SV2C: variants seen among roughly 807,000 people sequenced by gnomAD.
The protein encoded by SV2C is solute carrier family 22 member B3.
Under a neutral mutation model 79.7 loss-of-function variants are expected in SV2C, and 49 were observed. That is an observed-to-expected ratio of 0.61 (90% confidence interval 0.49 to 0.78). The LOEUF is 0.78. SV2C is among the 30% of genes least tolerant of loss of function. The pLI is 0.00. For missense variants in SV2C, 833 were observed against 912.9 expected (o/e 0.91, Z 1.13); for synonymous variants, 334 against 333.2 (o/e 1.00, Z -0.03).
chr5:76,141,446 G>C (rs1164262739), intron 2 of SV2C, among the ~76,000 whole-genome samples: 4 of 152,148 alleles, frequency 2.6e-5, no homozygotes, highest in Non-Finnish European at 4.4e-5. Flanking sequence ...CATTGATCCA[G>C]TCTGAGACTC....
chr5:75,899,565 G>A, the SV2C span, among the ~76,000 whole-genome samples: 143 of 152,214 alleles, frequency 9.4e-4, no homozygotes, highest in Admixed American at 6.5e-3. Context: ...GGAGAGTTCT[G>A]TAGATGTCTA....
At chr5:76,045,818 G>A in the SV2C span, among the ~76,000 whole-genome samples, 1 of 152,168 alleles carries the variant, frequency 6.6e-6, no homozygotes, top group Non-Finnish European at 1.5e-5. Context: ...TTCTGTGGGG[G>A]CTAAAAGAAG....
At chr5:76,053,961 AAAGT>A in the SV2C span, among the ~76,000 whole-genome samples, 2 of 152,070 alleles carry the variant, frequency 1.3e-5, no homozygotes, top group East Asian at 3.9e-4. Context: ...TTTAATGGTT[AAAGT>A]AAGTTTGTTG....
the SV2C span, among the ~76,000 whole-genome samples, chr5:75,968,838 C>G: frequency 6.6e-6 from 1 of 152,184 alleles, no homozygotes; most frequent in African/African-American, 2.4e-5. Context: ...CACAAAGATA[C>G]TCCTCGAGAA....
chr5:76,039,317 C>T, the SV2C span, among the ~76,000 whole-genome samples: 6 of 152,176 alleles, frequency 3.9e-5, no homozygotes, highest in South Asian at 4.1e-4. Flanking sequence ...CCTACTAGAG[C>T]GTGCCAGGTG....
At chr5:76,058,512 A>G in the SV2C span, among the ~76,000 whole-genome samples, 1 of 152,134 alleles carries the variant, frequency 6.6e-6, no homozygotes, top group African/African-American at 2.4e-5. Context: ...TCTCATTTCT[A>G]TGGAACTTAG....
the SV2C span, among the ~76,000 whole-genome samples, chr5:75,913,732 C>T: frequency 6.6e-6 from 1 of 152,112 alleles, no homozygotes; most frequent in Non-Finnish European, 1.5e-5. Flanking sequence ...CATCTCTTGG[C>T]CCTGTTTCAG....
At chr5:76,286,044 A>T in intron 6 of SV2C, 174 bp downstream of exon 6, 1 of 551,348 alleles carries the variant, frequency 1.8e-6, no homozygotes, top group South Asian at 2.5e-5. Context: ...AAATGGGATG[A>T]CTGTGTGTCA....
At chr5:75,942,930 T>C in the SV2C span, among the ~76,000 whole-genome samples, 1 of 152,166 alleles carries the variant, frequency 6.6e-6, no homozygotes, top group African/African-American at 2.4e-5. Flanking sequence ...CTAGGGAGGC[T>C]GAGTCTGGAG....
In SV2C at chr5:76,325,719, T is replaced by C; in HGVS notation, c.*172T>C. ...ATATCATCTTGCCCCTTTGTGATTT[T>C]GCACAGGTTGTTTGTTTGTTTTGTT... On this transcript the variant is annotated 3_prime_UTR_variant, in exon 13 of 13. Transcript: ENST00000502798. The C allele has an allele frequency of 1.1e-6, 1 of 915,736 alleles. No homozygotes were observed. The highest frequency in any genetic ancestry group is 1.6e-6 in the Non-Finnish European group (1 of 638,352). 56.7% of individuals were successfully genotyped at this position (915,736 alleles called of 1,614,324 possible).
the SV2C span, among the ~76,000 whole-genome samples, chr5:75,875,829 C>G: frequency 1.3e-5 from 2 of 152,106 alleles, no homozygotes; most frequent in Admixed American, 6.6e-5. Flanking sequence ...AAAAAAAGCT[C>G]AATATCACTG....
At chr5:75,910,037 A>G in the SV2C span, among the ~76,000 whole-genome samples, 1 of 152,168 alleles carries the variant, frequency 6.6e-6, no homozygotes, top group Non-Finnish European at 1.5e-5. Flanking sequence ...CAGCATGGGG[A>G]CTTCACAGAG....
intron 4 of SV2C, among the ~76,000 whole-genome samples, chr5:76,274,905 C>T (rs1353842443): frequency 6.6e-6 from 1 of 152,048 alleles, no homozygotes; most frequent in African/African-American, 2.4e-5. Flanking sequence ...TCTGTAGGAA[C>T]AAAATCAGAA....
intron 3 of SV2C, among the ~76,000 whole-genome samples, chr5:76,206,463 G>C (rs1297865716): frequency 6.6e-6 from 1 of 152,152 alleles, no homozygotes; most frequent in Non-Finnish European, 1.5e-5. Context: ...AGCAACTCAG[G>C]AACCCTTTGG....
chr5:75,881,613 T>A, the SV2C span, among the ~76,000 whole-genome samples: 1 of 152,124 alleles, frequency 6.6e-6, no homozygotes, highest in Non-Finnish European at 1.5e-5. Flanking sequence ...GTTGTTGGTG[T>A]ATAAGAATGC....
chr5:76,250,540 A>G (rs1430514110), intron 4 of SV2C, among the ~76,000 whole-genome samples: 2 of 152,186 alleles, frequency 1.3e-5, no homozygotes, highest in Non-Finnish European at 2.9e-5. Context: ...ACTAGAGGAA[A>G]GGTGCTATGT....
At chr5:76,314,724 C>T (rs1023904441) in intron 12 of SV2C, among the ~76,000 whole-genome samples, 7 of 152,168 alleles carry the variant, frequency 4.6e-5, no homozygotes, top group African/African-American at 1.7e-4. Flanking sequence ...GATCACTTAG[C>T]CTTAAACCCA....
intron 2 of SV2C, among the ~76,000 whole-genome samples, chr5:76,157,744 C>A (rs998603371): frequency 1.3e-5 from 2 of 151,714 alleles, no homozygotes; most frequent in African/African-American, 4.8e-5. Flanking sequence ...ATAAAGTTAA[C>A]ATAACAAAAG....
chr5:76,268,073 G>C (rs1482669788), intron 4 of SV2C, among the ~76,000 whole-genome samples: 1 of 152,190 alleles, frequency 6.6e-6, no homozygotes, highest in Non-Finnish European at 1.5e-5. Flanking sequence ...GCAGTGGAGG[G>C]GATCACTGAG....
Sources: allele counts gnomAD v4.1 joint callset (sites outside exome capture counted in the v4.1 genomes callset), GRCh38; gene constraint gnomAD v4.1.1; transcripts MANE v1.5; gene names NCBI Gene and HGNC (gene_info 2026-07-23, HGNC 2026-07-21).